SPTB: variants seen among roughly 807,000 people sequenced by gnomAD.
The protein encoded by SPTB is spectrin beta, erythrocytic, also known as spectrin beta chain, erythrocytic.
In SPTB, 45 loss-of-function variants were observed where a neutral mutation model predicts 256.2. The ratio of observed to expected loss-of-function variants is 0.18; its 90% CI spans 0.14 to 0.23. The LOEUF (loss-of-function observed/expected upper bound fraction) is 0.23. Ranked by LOEUF, SPTB falls within the 10% of genes least tolerant of loss-of-function variation. The pLI, the probability that SPTB is intolerant of heterozygous loss-of-function variation, is 1.00. For missense variants in SPTB, 2,715 were observed against 3,040.4 expected (o/e 0.89, Z 2.52); for synonymous variants, 1,231 against 1,243.1 (o/e 0.99, Z 0.21).
chr14:64,825,312 C>T lies in SPTB; in HGVS notation c.-51-2167G>A, dbSNP rs970089850. ...TCATCATCCCGAACACAGGATGCCC[C>T]ATGATGCCAGACCTGTGCCCAAGAC... On this transcript the variant is annotated intron_variant, in intron 1 of 35. Coordinates refer to ENST00000644917, the MANE Select transcript of SPTB (RefSeq NM_001355436.2). The surrounding 1 kb of genome is among the most constrained non-coding windows in gnomAD (Gnocchi z 4.8). Among the ~76,000 whole-genome samples, 2 of 152,174 alleles carry T rather than the reference C, an allele frequency of 1.3e-5. No individual in the cohort carries two copies. Among genetic ancestry groups the T allele is most frequent in the African/African-American group, 2.4e-5 (1 of 41,440 alleles).
chr14:64,763,645 G>C (rs1161188151), intron 32 of SPTB: 2 of 492,776 alleles, frequency 4.1e-6, no homozygotes, highest in Non-Finnish European at 4.1e-6. Flanking sequence ...AATCACGCAG[G>C]AAGTTACCAA....
chr14:64,858,714 G>C (rs1376083754), intron 1 of SPTB, among the ~76,000 whole-genome samples: 1 of 152,210 alleles, frequency 6.6e-6, no homozygotes, highest in Non-Finnish European at 1.5e-5. Flanking sequence ...CCCTGCCTGG[G>C]AGAAGGGGAA....
intron 1 of SPTB, among the ~76,000 whole-genome samples, chr14:64,848,581 AT>A (rs2083730667): frequency 6.6e-6 from 1 of 152,246 alleles, no homozygotes; most frequent in African/African-American, 2.4e-5. Context: ...TAAGTTAATT[AT>A]TGTGCATATT....
intron 32 of SPTB, chr14:64,763,939 C>A (rs2082130052): frequency 2.0e-6 from 1 of 511,874 alleles, no homozygotes; most frequent in Admixed American, 1.9e-5. Context: ...GGGTGCCACC[C>A]TGTGGTGTGC....
In SPTB at chr14:64,767,786, C is replaced by T. The variant is rs1439570115; in HGVS notation, c.6096G>A (p.Leu2032=). The change falls in exon 30 of 36, where the codon CTG becomes CTA. Residue 2032 remains leucine, a synonymous_variant. Transcript: ENST00000644917. ...CTGTGTGTCCAAAGTCCCCGCTGGC[C>T]AGGTAGGGCTCCTGGGCAATCAGCC... ...EAWLIAQEPY[L]ASGDFGHTVD... is the part of the protein sequence containing the mutation. 5 of 1,614,186 alleles carry T rather than the reference C, an allele frequency of 3.1e-6. No homozygotes were observed. Among genetic ancestry groups the T allele is most frequent in the Non-Finnish European group, 4.2e-6 (5 of 1,180,038 alleles).
rs80075303 is a variant in SPTB at position 64,873,202 on chromosome 14, T to C, written c.-52+6590A>G. 5.4e-3 allele frequency among the ~76,000 whole-genome samples: 817 copies of C among 152,306 alleles called. 5 individuals carry two copies. Among genetic ancestry groups the C allele is most frequent in the African/African-American group, 0.019 (794 of 41,568 alleles). ...CTTTTTAGCACTTGAAATTACAATA[T>C]ATATTTTTGTCTGTTGCTTGTCATT... is the stretch of plus-strand genomic sequence containing the variant. On this transcript the variant is annotated intron_variant, in intron 1 of 35. Transcript: ENST00000644917. The surrounding 1 kb of genome is among the most constrained non-coding windows in gnomAD (Gnocchi z 4.3).
At chr14:64,846,290 G>T (rs2083691467) in intron 1 of SPTB, among the ~76,000 whole-genome samples, 1 of 152,212 alleles carries the variant, frequency 6.6e-6, no homozygotes, top group Admixed American at 6.5e-5. Context: ...AACATCAGGA[G>T]GGGTAGGAGG....
In SPTB at chr14:64,786,399, T is replaced by C. The variant is rs758096815; in HGVS notation, c.3561+5A>G. 1 of 1,614,046 alleles carries C rather than the reference T, an allele frequency of 6.2e-7. No individual in the cohort carries two copies. The highest frequency in any genetic ancestry group is 1.1e-5 in the South Asian group (1 of 91,084). On this transcript the variant is annotated splice_donor_5th_base_variant and intron_variant, in intron 16 of 35. Transcript: ENST00000644917. This position sits in a 1 kb window ranked among gnomAD's most constrained non-coding sequence, Gnocchi z 5.6. Reference sequence around the variant, plus strand: ...CGCCTGTCCCAGCCCTGAATGCCTCTCTACCTGGTTGCTGAGGATGGCTTC... The same window carrying C: ...CGCCTGTCCCAGCCCTGAATGCCTCCCTACCTGGTTGCTGAGGATGGCTTC...
intron 1 of SPTB, among the ~76,000 whole-genome samples, chr14:64,861,020 T>C (rs983760296): frequency 9.2e-5 from 14 of 152,212 alleles, no homozygotes; most frequent in African/African-American, 3.4e-4. Flanking sequence ...TATGCTGCTA[T>C]AAAAAGGAAT....
At position 64,873,344 on chromosome 14, in the gene SPTB, T is replaced by C. The variant is rs926041600; in HGVS notation, c.-52+6448A>G. On this transcript the variant is annotated intron_variant, in intron 1 of 35. Transcript: ENST00000644917. This position sits in a 1 kb window ranked among gnomAD's most constrained non-coding sequence, Gnocchi z 4.3. The stretch of plus-strand genomic sequence containing the variant: ...TCTGGCAAATTAAATGAGAACTCAG[T>C]AAATATTTGTTGAAGACTGACATAC... 2.6e-5 allele frequency among the ~76,000 whole-genome samples: 4 copies of C among 152,156 alleles called. No homozygotes were observed. Among genetic ancestry groups the C allele is most frequent in the African/African-American group, 9.7e-5 (4 of 41,432 alleles).
At chr14:64,773,550 G>A (rs1252582462) in intron 24 of SPTB, 126 bp from the exon 25 acceptor site, 13 of 1,011,224 alleles carry the variant, frequency 1.3e-5, no homozygotes, top group East Asian at 7.2e-5. Context: ...AAGCTCTGGA[G>A]AAATGACAGG....
rs534724456 is a variant in SPTB at position 64,823,319 on chromosome 14, TGCA to T, written c.-51-177_-51-175del. On this transcript the variant is annotated intron_variant, in intron 1 of 35. Transcript: ENST00000644917. This position sits in a 1 kb window ranked among gnomAD's most constrained non-coding sequence, Gnocchi z 6.5. ...CTCTGGGTCGTTTGTTATAAAATAT[TGCA>T]GCAGCAGCAGCAGCAACAGTACCGG... is the stretch of plus-strand genomic sequence containing the variant. Among the ~76,000 whole-genome samples the T allele has an allele frequency of 6.6e-6, 1 of 152,100 alleles. No homozygotes were observed. Among genetic ancestry groups the T allele is most frequent in the African/African-American group, 2.4e-5 (1 of 41,408 alleles).
intron 32 of SPTB, chr14:64,766,458 TAAAACA>T: frequency 7.0e-7 from 1 of 1,423,820 alleles, no homozygotes; most frequent in Non-Finnish European, 9.1e-7. Flanking sequence ...TTACATTAGG[TAAAACA>T]AAACTAATAA....
intron 1 of SPTB, among the ~76,000 whole-genome samples, chr14:64,830,102 A>G (rs1594822308): frequency 6.6e-6 from 1 of 150,688 alleles, no homozygotes; most frequent in Admixed American, 6.6e-5. Flanking sequence ...TCTTTTTGAC[A>G]CTCTGCTTAA....
At chr14:64,851,228 A>G (rs35650076) in intron 1 of SPTB, among the ~76,000 whole-genome samples, 2 of 152,266 alleles carry the variant, frequency 1.3e-5, no homozygotes, top group Non-Finnish European at 2.9e-5. Context: ...AGGCAGGGCT[A>G]TGAGCAGATT....
intron 10 of SPTB, 77 bp downstream of exon 10, chr14:64,797,652 C>A: frequency 8.6e-7 from 1 of 1,166,790 alleles, no homozygotes; most frequent in South Asian, 1.2e-5. Context: ...TTAATCTGGT[C>A]CAATGACCAT....
At chr14:64,819,373 A>G (rs939165646) in intron 2 of SPTB, among the ~76,000 whole-genome samples, 2 of 152,202 alleles carry the variant, frequency 1.3e-5, no homozygotes, top group African/African-American at 4.8e-5. Context: ...AGTCACCCCA[A>G]TTCAGGTCTT....
Position 64,777,944 on chromosome 14 carries a change from A to G in SPTB, c.4563+1213T>C, listed in dbSNP as rs1275050846. Among the ~76,000 whole-genome samples, 4 of 152,142 alleles carry G rather than the reference A, an allele frequency of 2.6e-5. No individual in the cohort carries two copies. The highest frequency in any genetic ancestry group is 2.0e-4 in the Admixed American group (3 of 15,280). ...GGGGAGTTAAAAACCTTTGAACAATAACACTTACAGAGGCTGCATAGAATC... is the reference window on the plus strand; with the variant it reads ...GGGGAGTTAAAAACCTTTGAACAATGACACTTACAGAGGCTGCATAGAATC... On this transcript the variant is annotated intron_variant, in intron 22 of 35. Transcript: ENST00000644917. The surrounding 1 kb of genome is among the most constrained non-coding windows in gnomAD (Gnocchi z 4.5).
At chr14:64,879,356 C>G (rs1189122304) in intron 1 of SPTB, among the ~76,000 whole-genome samples, 2 of 152,202 alleles carry the variant, frequency 1.3e-5, no homozygotes, top group Non-Finnish European at 2.9e-5. Flanking sequence ...TGAGCGGCCA[C>G]AAGGCTGAGA....
Sources: allele counts gnomAD v4.1 joint callset (sites outside exome capture counted in the v4.1 genomes callset), GRCh38; gene constraint gnomAD v4.1.1; non-coding constraint Gnocchi (gnomAD v3.1); transcripts MANE v1.5; gene names NCBI Gene and HGNC (gene_info 2026-07-23, HGNC 2026-07-21).